Variants in ADCY10 observed in about 807,000 individuals in gnomAD.
ADCY10 encodes adenylate cyclase 10.
In ADCY10, 156 loss-of-function variants were observed where a neutral mutation model predicts 183.3. The ratio of observed to expected loss-of-function variants is 0.85; its 90% CI spans 0.75 to 0.97. ADCY10 has a LOEUF of 0.97. ADCY10 is among the 50% of genes least tolerant of loss of function. ADCY10 has a pLI of 0.00. For synonymous variants in ADCY10, 645 were observed against 670.0 expected, an observed-to-expected ratio of 0.96 and a Z score of 0.58; for missense variants, 1,745 against 1,934.3, an observed-to-expected ratio of 0.90 and a Z score of 1.84.
At chr1:167,841,107 A>AT (rs1368207007) in intron 21 of ADCY10, among the ~76,000 whole-genome samples, 2 of 151,680 alleles carry the variant, frequency 1.3e-5, no homozygotes, top group Admixed American at 6.6e-5. Context: ...CACCCAGCTA[A>AT]TTTTTTTGTA....
chr1:167,862,903 A>C (rs905156115), intron 14 of ADCY10, among the ~76,000 whole-genome samples: 4 of 152,216 alleles, frequency 2.6e-5, no homozygotes, highest in Non-Finnish European at 5.9e-5. Context: ...TGAATACCAT[A>C]CTATCTACTT....
At chr1:167,846,362 G>A in intron 19 of ADCY10, 99 bp from the exon 20 acceptor site, 1 of 1,452,520 alleles carries the variant, frequency 6.9e-7, no homozygotes, top group Admixed American at 1.7e-5. Context: ...CTGCTCTACA[G>A]TTCTTGTTGC....
chr1:167,873,719 A>C (rs945935711), intron 13 of ADCY10, among the ~76,000 whole-genome samples: 2 of 152,236 alleles, frequency 1.3e-5, no homozygotes, highest in South Asian at 4.1e-4. Context: ...TTGTAGACTT[A>C]AATATAAAAG....
Position 167,822,047 on chromosome 1 carries a change from TC to T in ADCY10, c.4262del (p.Gly1421AspfsTer6). On this transcript the variant is annotated frameshift_variant, in exon 30 of 33. Transcript: ENST00000367851. LOFTEE classifies it high-confidence loss of function. Reference protein sequence around the residue: ...ILKFHSGLLLGLYSSVAIWYA... With the variant: ...ILKFHSGLLLXLYSSVAIWYA... ...ACCAGATAGCTACAGAGGAATAAAG[TC>T]CCAGGAGGAGTCCACTGTGGAACTT... 6.3e-7 allele frequency: 1 copy of T among 1,594,298 alleles called. No individual in the cohort carries two copies. Among genetic ancestry groups the T allele is most frequent in the Non-Finnish European group, 8.6e-7 (1 of 1,161,914 alleles).
intron 13 of ADCY10, among the ~76,000 whole-genome samples, chr1:167,872,898 C>T (rs576531637): frequency 4.6e-5 from 7 of 151,324 alleles, no homozygotes; most frequent in East Asian, 3.9e-4. Context: ...GGTGAAACCC[C>T]GTCTCTACTA....
intron 21 of ADCY10, among the ~76,000 whole-genome samples, chr1:167,842,139 C>T (rs1664697267): frequency 6.6e-6 from 1 of 152,186 alleles, no homozygotes; most frequent in Non-Finnish European, 1.5e-5. Flanking sequence ...ACACATAATG[C>T]AGTAGCCCTG....
At chr1:167,869,774 G>A (rs1173890128) in intron 14 of ADCY10, among the ~76,000 whole-genome samples, 2 of 152,012 alleles carry the variant, frequency 1.3e-5, no homozygotes, top group Non-Finnish European at 2.9e-5. Flanking sequence ...CCCTTAAAAG[G>A]GCAGAAGTTG....
At chr1:167,813,884 A>G (rs1662364263) in intron 31 of ADCY10, among the ~76,000 whole-genome samples, 1 of 152,146 alleles carries the variant, frequency 6.6e-6, no homozygotes, top group African/African-American at 2.4e-5. Flanking sequence ...GTGGGAAGCT[A>G]TTAAAGGAGT....
In ADCY10 at chr1:167,870,647, A is replaced by C. The variant is rs185416387; in HGVS notation, c.1463-237T>G. On this transcript the variant is annotated intron_variant, in intron 13 of 32. Coordinates refer to ENST00000367851, the MANE Select transcript of ADCY10 (RefSeq NM_018417.6). The stretch of plus-strand genomic sequence containing the variant: ...GCCTCTACTGAAAATACAAAAAAAA[A>C]AAAAAAAAAAAATTAGCCAGACTTG... Among the ~76,000 whole-genome samples the C allele has an allele frequency of 2.5e-4, 37 of 150,626 alleles. No individual in the cohort carries two copies. The East Asian group carries it at 6.8e-3, about 28-fold the overall frequency.
At chr1:167,904,079 C>T (rs1669645835) in intron 2 of ADCY10, 88 bp from the exon 3 acceptor site, 2 of 559,230 alleles carry the variant, frequency 3.6e-6, no homozygotes, top group Admixed American at 6.1e-5. Flanking sequence ...CAGCGGGCCT[C>T]AGCTTTTTTT....
chr1:167,830,317 T>A (rs1415183703), intron 25 of ADCY10, among the ~76,000 whole-genome samples: 1 of 151,458 alleles, frequency 6.6e-6, no homozygotes, highest in Non-Finnish European at 1.5e-5. Context: ...TCTGGGCATG[T>A]CCTTAACCTT....
chr1:167,902,217 A>G (rs965683318), intron 3 of ADCY10, among the ~76,000 whole-genome samples, 163 bp from the exon 4 acceptor site: 2 of 152,216 alleles, frequency 1.3e-5, no homozygotes, highest in Non-Finnish European at 2.9e-5. Context: ...AACCCATTTG[A>G]GTCTGTTTCC....
At position 167,856,188 on chromosome 1, in the gene ADCY10, G is replaced by A; in HGVS notation, c.2148C>T (p.Ser716=). The A allele has an allele frequency of 6.2e-7, 1 of 1,613,950 alleles. No individual in the cohort carries two copies. Among genetic ancestry groups the A allele is most frequent in the Non-Finnish European group, 8.5e-7 (1 of 1,179,854 alleles). ...SNKICLDLNV[S]CISKELDSYL... is the part of the protein sequence containing the mutation. Reference sequence around the variant, plus strand: ...ACGAGTCCAGTTCTTTGGAGATGCAGCTCACATTGAGGTCAAGACAGATCT... The same window carrying A: ...ACGAGTCCAGTTCTTTGGAGATGCAACTCACATTGAGGTCAAGACAGATCT... The change falls in exon 17 of 33, where the codon AGC becomes AGT. Residue 716 remains serine (S), a synonymous_variant. Transcript: ENST00000367851.
intron 16 of ADCY10, among the ~76,000 whole-genome samples, chr1:167,858,460 T>C (rs939304345): frequency 1.5e-5 from 2 of 130,634 alleles, no homozygotes; most frequent in Non-Finnish European, 3.1e-5. Context: ...ACCGCACCAT[T>C]GCACTCCAGC....
rs1279836901 is a variant in ADCY10, at chr1:167,880,475, C to G, written c.1139+16G>C. 12 of 1,582,092 alleles carry G rather than the reference C, an allele frequency of 7.6e-6. No individual in the cohort carries two copies. Among genetic ancestry groups the G allele is most frequent in the African/African-American group, 1.3e-5 (1 of 74,236 alleles). On this transcript the variant is annotated intron_variant, in intron 10 of 32. Coordinates refer to ENST00000367851, the MANE Select transcript of ADCY10 (RefSeq NM_018417.6). ...AGGGTCAGGGACCGCTGGGTGGGAC[C>G]AGGGTCAATACTCACTGGATTTTGT...
intron 21 of ADCY10, among the ~76,000 whole-genome samples, chr1:167,842,538 A>G (rs912708773): frequency 1.3e-5 from 2 of 151,802 alleles, no homozygotes; most frequent in African/African-American, 2.4e-5. Flanking sequence ...GGATAGACAG[A>G]GTATCTATCT....
intron 25 of ADCY10, among the ~76,000 whole-genome samples, chr1:167,832,445 A>G (rs771794744): frequency 6.6e-6 from 1 of 151,564 alleles, no homozygotes; most frequent in African/African-American, 2.4e-5. Flanking sequence ...TAGAATTTAT[A>G]TATATTGAAA....
intron 21 of ADCY10, among the ~76,000 whole-genome samples, chr1:167,842,923 G>T (rs1664759712): frequency 6.6e-6 from 1 of 152,172 alleles, no homozygotes; most frequent in Non-Finnish European, 1.5e-5. Flanking sequence ...GTTTGCCCCT[G>T]ACTGGAATTA....
At position 167,898,631 on chromosome 1, in the gene ADCY10, T is replaced by C. The variant is rs1182169987; in HGVS notation, c.642+792A>G. Among the ~76,000 whole-genome samples the C allele has an allele frequency of 2.6e-5, 4 of 151,334 alleles. No homozygotes were observed. The East Asian group carries it at 7.8e-4, about 29-fold the overall frequency. ...TTAAAAAAAGAATGATTGAAGAGCA[T>C]GGGAATGGGCTATTGCTATAAGCCA... On this transcript the variant is annotated intron_variant, in intron 6 of 32. Transcript: ENST00000367851.
Sources: allele counts gnomAD v4.1 joint callset (sites outside exome capture counted in the v4.1 genomes callset), GRCh38; gene constraint gnomAD v4.1.1; transcripts MANE v1.5; gene names NCBI Gene and HGNC (gene_info 2026-07-23, HGNC 2026-07-21).